The following MCCC2 variants were observed in gnomAD, a reference collection of about 807,000 sequenced individuals.
MCCC2 encodes the protein methylcrotonoyl-CoA carboxylase beta chain, mitochondrial.
MCCC2 carries 52 observed loss-of-function variants against 77.2 expected under a neutral mutation model. That is an observed-to-expected ratio of 0.67 (90% CI 0.54 to 0.85). MCCC2 has a LOEUF of 0.85. MCCC2 is among the 40% of genes least tolerant of loss of function. The probability of loss-of-function intolerance (pLI) is 0.00; values close to 1 mark genes in which losing one functional copy is unlikely to be tolerated. For missense variants in MCCC2, 682 were observed against 703.2 expected (o/e 0.97, Z 0.34); for synonymous variants, 253 against 248.4 (o/e 1.02, Z -0.18).
intron 1 of MCCC2, 27 bp from the exon 2 acceptor site, chr5:71,592,899 C>A: frequency 3.3e-6 from 5 of 1,503,264 alleles, no homozygotes; most frequent in Non-Finnish European, 3.7e-6. Context: ...ATATTTCTCT[C>A]CCCTGTCTCC....
Position 71,610,422 on chromosome 5 carries a change from C to T in MCCC2, c.624+5954C>T, listed in dbSNP as rs367557064. Among the ~76,000 whole-genome samples the T allele has an allele frequency of 5.3e-4, 80 of 152,318 alleles. No individual in the cohort carries two copies. In the East Asian group the frequency reaches 0.01, roughly 19 times the overall value. ...AGTGAGGCAATGCCTCGCCCTGCTTCGGCTCGCACACGGTGCGCGCACCCA... is the reference window on the plus strand; with the variant it reads ...AGTGAGGCAATGCCTCGCCCTGCTTTGGCTCGCACACGGTGCGCGCACCCA... On this transcript the variant is annotated intron_variant, in intron 6 of 16. Transcript: ENST00000340941.
At chr5:71,594,527 CAAAA>C (rs113897050) in intron 2 of MCCC2, among the ~76,000 whole-genome samples, 1 of 123,242 alleles carries the variant, frequency 8.1e-6, no homozygotes. Context: ...AATTCCGTCT[CAAAA>C]AAAAAAAAAA....
At chr5:71,607,925 A>C (rs1745756083) in intron 6 of MCCC2, among the ~76,000 whole-genome samples, 1 of 142,692 alleles carries the variant, frequency 7.0e-6, no homozygotes. Context: ...GTTTGATTGC[A>C]CTGTGGTCTG....
Position 71,652,757 on chromosome 5 carries a change from G to A in MCCC2, c.1574+3G>A, listed in dbSNP as rs1413871628. On this transcript the variant is annotated splice_donor_region_variant and intron_variant, in intron 16 of 16. Transcript: ENST00000340941. ...AACCCTTACTATTCCAGCGCAAGGT[G>A]GGGGCCAGAACATCACTAACTCTCT... The A allele has an allele frequency of 6.2e-7, 1 of 1,613,728 alleles. No individual in the cohort carries two copies. The highest frequency in any genetic ancestry group is 8.5e-7 in the Non-Finnish European group (1 of 1,179,656).
intron 4 of MCCC2, 140 bp downstream of exon 4, chr5:71,599,900 TCA>T: frequency 1.4e-6 from 1 of 717,884 alleles, no homozygotes; most frequent in Non-Finnish European, 2.4e-6. Flanking sequence ...GTGTGGTGGC[TCA>T]CGCCTGTAAT....
chr5:71,619,858 G>C (rs539372836), intron 6 of MCCC2, among the ~76,000 whole-genome samples: 38 of 152,180 alleles, frequency 2.5e-4, no homozygotes, highest in Non-Finnish European at 4.4e-5. Flanking sequence ...GGGCATGGTG[G>C]TGGGTGCCTG....
chr5:71,604,472 A>G lies in MCCC2; in HGVS notation c.624+4A>G, dbSNP rs1745586764. The G allele has an allele frequency of 1.9e-6, 3 of 1,603,286 alleles. No homozygotes were observed. The highest frequency in any genetic ancestry group is 2.6e-6 in the Non-Finnish European group (3 of 1,170,292). On this transcript the variant is annotated splice_donor_region_variant and intron_variant, in intron 6 of 16. Transcript: ENST00000340941. The stretch of plus-strand genomic sequence containing the variant: ...GTCTTCTAAAAATATTGCACAGGTA[A>G]TTTTTCATGAATAAAGTGTACAGTG...
intron 16 of MCCC2, among the ~76,000 whole-genome samples, chr5:71,655,154 C>G (rs1479651196): frequency 6.6e-6 from 1 of 152,106 alleles, no homozygotes; most frequent in Non-Finnish European, 1.5e-5. Context: ...ATGTTTAACC[C>G]TTCTGTTGAA....
chr5:71,620,821 G>A (rs1018608705), intron 6 of MCCC2, among the ~76,000 whole-genome samples: 4 of 152,118 alleles, frequency 2.6e-5, no homozygotes, highest in African/African-American at 9.7e-5. Flanking sequence ...CTTCTTGCAC[G>A]TTCTTACTCT....
intron 6 of MCCC2, among the ~76,000 whole-genome samples, chr5:71,624,693 C>CTT (rs36140678): frequency 3.9e-5 from 4 of 101,890 alleles, no homozygotes; most frequent in African/African-American, 1.6e-4. Flanking sequence ...TTCTTTCTTT[C>CTT]TTTTTTTTTT....
chr5:71,595,368 G>A (rs1365979781), intron 2 of MCCC2, among the ~76,000 whole-genome samples: 1 of 148,128 alleles, frequency 6.8e-6, no homozygotes, highest in Non-Finnish European at 1.5e-5. Context: ...GTTCAAGGCT[G>A]TAGTGAGCCA....
chr5:71,635,115 T>TTAA lies in MCCC2; in HGVS notation c.904-36_904-35insTAA, dbSNP rs750954541. 9 of 1,613,434 alleles carry TTAA rather than the reference T, an allele frequency of 5.6e-6. No individual in the cohort carries two copies. The South Asian group carries it at 8.8e-5, about 16-fold the overall frequency. ...TGACTCACTGCACCTTGAAATCATG[T>TTAA]CTTTAAACAGGTTAACATGATCTAT... On this transcript the variant is annotated intron_variant, in intron 9 of 16. Transcript: ENST00000340941.
chr5:71,591,363 A>C lies in MCCC2; in HGVS notation c.130-1563A>C, dbSNP rs151251762. On this transcript the variant is annotated intron_variant, in intron 1 of 16. Transcript: ENST00000340941. ...AAGTTAGTCCCTCTACCTCTTTTCT[A>C]CTTCTCACTGTCAATATTTCCTTGT... is the stretch of plus-strand genomic sequence containing the variant. Among the ~76,000 whole-genome samples the C allele has an allele frequency of 5.5e-3, 839 of 152,060 alleles. 8 individuals are homozygous for C. The highest frequency in any genetic ancestry group is 0.019 in the African/African-American group (806 of 41,468).
chr5:71,631,971 C>T (rs1561840711), intron 7 of MCCC2, 150 bp from the exon 8 acceptor site: 2 of 752,206 alleles, frequency 2.7e-6, no homozygotes, highest in Non-Finnish European at 4.8e-6. Flanking sequence ...CTCCAGGTTT[C>T]CTAGGTGCAT....
intron 10 of MCCC2, 95 bp from the exon 11 acceptor site, chr5:71,640,908 C>T: frequency 1.3e-5 from 14 of 1,071,360 alleles, no homozygotes; most frequent in Non-Finnish European, 1.9e-5. Flanking sequence ...GTGAAAGTGA[C>T]AACTTCACTG....
intron 15 of MCCC2, 78 bp from the exon 16 acceptor site, chr5:71,652,591 T>C: frequency 1.8e-6 from 2 of 1,085,464 alleles, no homozygotes; most frequent in Non-Finnish European, 2.8e-6. Context: ...ACATCTGTTG[T>C]TTCTTTTGAA....
intron 6 of MCCC2, among the ~76,000 whole-genome samples, chr5:71,608,610 C>G (rs946445232): frequency 6.6e-6 from 1 of 151,988 alleles, no homozygotes; most frequent in Non-Finnish European, 1.5e-5. Flanking sequence ...TGAATTTGAT[C>G]CTGTCATTAT....
At chr5:71,623,554 G>A (rs1746431499) in intron 6 of MCCC2, among the ~76,000 whole-genome samples, 1 of 152,196 alleles carries the variant, frequency 6.6e-6, no homozygotes, top group Non-Finnish European at 1.5e-5. Flanking sequence ...AAGAGCAAGA[G>A]GGCCAGCAGG....
chr5:71,604,109 G>A (rs79424808), intron 5 of MCCC2, among the ~76,000 whole-genome samples: 16 of 152,302 alleles, frequency 1.1e-4, no homozygotes, highest in African/African-American at 3.8e-4. Context: ...GTCCTCAAAG[G>A]AGAGAAGGTT....
Sources: allele counts gnomAD v4.1 joint callset (sites outside exome capture counted in the v4.1 genomes callset), GRCh38; gene constraint gnomAD v4.1.1; transcripts MANE v1.5; gene names NCBI Gene and HGNC (gene_info 2026-07-23, HGNC 2026-07-21).